LARP1: variants seen among roughly 807,000 people sequenced by gnomAD.
The protein encoded by LARP1 is la-related protein 1.
LARP1 carries 36 observed loss-of-function variants against 122.7 expected under a neutral mutation model. The ratio of observed to expected loss-of-function variants is 0.29; its 90% CI spans 0.22 to 0.39. The LOEUF (loss-of-function observed/expected upper bound fraction) is 0.39, where lower values mean the gene tolerates loss of function less well. LARP1 is among the 10% of genes least tolerant of loss of function. The pLI is 1.00. For synonymous variants in LARP1, 539 were observed against 528.7 expected (o/e 1.02, Z -0.27); for missense variants, 1,040 against 1,403.6 (o/e 0.74, Z 4.14).
At chr5:154,759,818 C>T (rs1393936899) in intron 1 of LARP1, among the ~76,000 whole-genome samples, 4 of 152,230 alleles carry the variant, frequency 2.6e-5, no homozygotes, top group East Asian at 1.9e-4. Flanking sequence ...AAATTAATTA[C>T]ATGAGACATT....
intron 1 of LARP1, among the ~76,000 whole-genome samples, chr5:154,690,181 G>C (rs1258745506): frequency 2.0e-5 from 3 of 152,134 alleles, no homozygotes; most frequent in Non-Finnish European, 4.4e-5. Context: ...ACACACACAA[G>C]CCTGCTGCCC....
rs188721520 is a variant in LARP1, at chr5:154,795,334, C to G, written c.1377+15C>G. On this transcript the variant is annotated intron_variant, in intron 8 of 18. Transcript: ENST00000518297. ...TCATCTTTGCGGTATGTCTTCCTCC[C>G]TGGAGCTGGGATGCAGGGGAAAGAA... 2.5e-6 allele frequency: 4 copies of G among 1,611,472 alleles called. No homozygotes were observed. In the East Asian group the frequency reaches 8.9e-5, roughly 36 times the overall value.
intron 18 of LARP1, 62 bp downstream of exon 18, chr5:154,811,702 G>A: frequency 2.5e-6 from 4 of 1,597,916 alleles, no homozygotes; most frequent in Non-Finnish European, 3.4e-6. Context: ...CAGGAATCAG[G>A]ATACTTGGAT....
chr5:154,741,043 T>G (rs1037550776), intron 1 of LARP1, among the ~76,000 whole-genome samples: 2 of 152,140 alleles, frequency 1.3e-5, no homozygotes, highest in African/African-American at 2.4e-5. Flanking sequence ...TGGATCATCC[T>G]GGAAATCTGA....
intron 1 of LARP1, among the ~76,000 whole-genome samples, chr5:154,767,159 C>T (rs1436098384): frequency 6.6e-6 from 1 of 152,164 alleles, no homozygotes; most frequent in African/African-American, 2.4e-5. Flanking sequence ...ACTGAGTGCC[C>T]TTGGATAGGT....
In LARP1 at chr5:154,795,206, C is replaced by A. The variant is rs750946051; in HGVS notation, c.1264C>A (p.Arg422=). Residue 422 remains arginine, a synonymous_variant, in exon 8 of 19, where the codon CGA becomes AGA. Transcript: ENST00000518297. ...EYYFSVDNLE[R]DFFLRRKMDA... ...CTACTTCAGCGTGGACAATTTAGAG[C>A]GAGACTTCTTCCTGCGAAGGAAAAT... 6.2e-7 allele frequency: 1 copy of A among 1,613,906 alleles called. No individual in the cohort carries two copies. The highest frequency in any genetic ancestry group is 1.1e-5 in the South Asian group (1 of 91,074).
Position 154,815,898 on chromosome 5 carries a change from CAGTG to C in LARP1, c.*1803_*1806del, listed in dbSNP as rs532262929. On this transcript the variant is annotated 3_prime_UTR_variant, in exon 19 of 19. Transcript: ENST00000518297. ...ATGGGCATGACTGCACGTTCACTCT[CAGTG>C]GGATCTGGGCAACATGGAGTTCATT... The C allele has an allele frequency of 1.6e-4, 24 of 152,444 alleles. No homozygotes were observed. The highest frequency in any genetic ancestry group is 5.5e-4 in the African/African-American group (23 of 41,558). 9.4% of individuals were successfully genotyped at this position (152,444 alleles called of 1,614,324 possible).
At chr5:154,741,243 T>C (rs1159029265) in intron 1 of LARP1, among the ~76,000 whole-genome samples, 1 of 152,192 alleles carries the variant, frequency 6.6e-6, no homozygotes, top group Non-Finnish European at 1.5e-5. Flanking sequence ...GGGCTCTCAG[T>C]AACACCTCTT....
upstream of LARP1, chr5:154,712,788 A>C: frequency 1.4e-6 from 1 of 714,230 alleles, no homozygotes; most frequent in South Asian, 1.8e-5. Context: ...TCGCTCTCTT[A>C]AAGGCACCCA....
chr5:154,810,397 C>G (rs1759165421), intron 16 of LARP1, among the ~76,000 whole-genome samples: 1 of 151,446 alleles, frequency 6.6e-6, no homozygotes, highest in African/African-American at 2.4e-5. Context: ...GATCGTGCCA[C>G]TGCACTCCAG....
chr5:154,774,960 A>G (rs1215568679), intron 1 of LARP1, among the ~76,000 whole-genome samples: 2 of 151,746 alleles, frequency 1.3e-5, no homozygotes, highest in Non-Finnish European at 2.9e-5. Flanking sequence ...AATTTCAGGG[A>G]AAAAAAGAAA....
In LARP1 at chr5:154,792,805, C is replaced by T; in HGVS notation, c.739+9C>T. The T allele has an allele frequency of 2.5e-6, 4 of 1,612,970 alleles. No individual in the cohort carries two copies. The highest frequency in any genetic ancestry group is 3.4e-6 in the Non-Finnish European group (4 of 1,179,494). The stretch of plus-strand genomic sequence containing the variant: ...CGGGCAGAAGAAGAAAGGTGAGTGA[C>T]TGGGAGCAGGACTTGGGAGAAGGTG... On this transcript the variant is annotated intron_variant, in intron 4 of 18. Transcript: ENST00000518297.
At chr5:154,764,483 C>G (rs1298831287) in intron 1 of LARP1, among the ~76,000 whole-genome samples, 1 of 144,992 alleles carries the variant, frequency 6.9e-6, no homozygotes, top group Non-Finnish European at 1.5e-5. Context: ...TTCCTGTGGT[C>G]TGAGCTACTC....
At chr5:154,777,916 A>T (rs1054183728) in intron 1 of LARP1, among the ~76,000 whole-genome samples, 11 of 152,178 alleles carry the variant, frequency 7.2e-5, no homozygotes, top group Non-Finnish European at 1.5e-4. Context: ...CAACTGTCAT[A>T]TTTGTGGATG....
In LARP1 at chr5:154,787,278, G is replaced by T. The variant is rs551823623; in HGVS notation, c.437-3047G>T. ...TCAGAATGCAGGGGTAGAAGGAGGA[G>T]AATTATCCCCTGATTTGGCTGGGAT... On this transcript the variant is annotated intron_variant, in intron 1 of 18. Transcript: ENST00000518297. Among the ~76,000 whole-genome samples the T allele has an allele frequency of 2.6e-5, 4 of 152,344 alleles. No homozygotes were observed. In the South Asian group the frequency reaches 6.2e-4, roughly 24 times the overall value.
intron 1 of LARP1, among the ~76,000 whole-genome samples, chr5:154,781,913 C>A (rs112754068): frequency 1.1e-3 from 163 of 152,288 alleles, no homozygotes; most frequent in African/African-American, 3.6e-3. Context: ...AGTTGAGATA[C>A]ACACAGATGC....
Position 154,803,216 on chromosome 5 carries a change from G to T in LARP1, c.2110-74G>T, listed in dbSNP as rs1240935194. 2 of 1,595,506 alleles carry T rather than the reference G, an allele frequency of 1.3e-6. No individual in the cohort carries two copies. The highest frequency in any genetic ancestry group is 1.7e-6 in the Non-Finnish European group (2 of 1,164,914). On this transcript the variant is annotated intron_variant, in intron 11 of 18. Transcript: ENST00000518297. The surrounding 1 kb of genome is among the most constrained non-coding windows in gnomAD (Gnocchi z 4.4). ...AGCTGCCCTCTCCAACTTCCTGCCA[G>T]TCTTGATTCCTTAAACAGGCTAGAG...
At chr5:154,795,979 TTATA>T (rs1208306860) in intron 8 of LARP1, among the ~76,000 whole-genome samples, 2 of 118,590 alleles carry the variant, frequency 1.7e-5, no homozygotes, top group African/African-American at 3.4e-5. Context: ...TATTATATAT[TTATA>T]TATTATATAT....
chr5:154,811,679 A>G (rs750330084), intron 18 of LARP1, 39 bp downstream of exon 18: 2 of 1,611,970 alleles, frequency 1.2e-6, no homozygotes, highest in East Asian at 4.5e-5. Context: ...TTGTCCTGGA[A>G]AGAAAACTGG....
Sources: gnomAD v4.1 joint callset for allele counts (sites outside exome capture counted in the v4.1 genomes callset) on GRCh38, gnomAD v4.1.1 for gene constraint, Gnocchi (gnomAD v3.1) non-coding constraint, MANE v1.5 for transcripts, NCBI Gene and HGNC (gene_info 2026-07-23, HGNC 2026-07-21) for gene names.